The following TNFSF11 variants were observed in gnomAD, a reference collection of about 807,000 sequenced individuals.
TNFSF11 encodes the protein TNF superfamily member 11, also known as tumor necrosis factor ligand superfamily member 11.
A neutral mutation model predicts 32.2 loss-of-function variants in TNFSF11; 12 were observed. The ratio of observed to expected loss-of-function variants is 0.37; its 90% confidence interval spans 0.24 to 0.60. The LOEUF (loss-of-function observed/expected upper bound fraction) is 0.60. Among genes scored for constraint, TNFSF11 ranks in the 20% least tolerant of loss-of-function variants. The pLI is 0.66. For synonymous variants in TNFSF11, 172 were observed against 152.1 expected (o/e 1.13, Z -0.96); for missense variants, 345 against 398.0 (o/e 0.87, Z 1.13).
At chr13:42,578,931 C>T (rs1486806012) in intron 1 of TNFSF11, among the ~76,000 whole-genome samples, 1 of 152,172 alleles carries the variant, frequency 6.6e-6, no homozygotes, top group Non-Finnish European at 1.5e-5. Flanking sequence ...AGCAGAAAAT[C>T]TATATTTTAA....
chr13:42,600,794 A>G lies in TNFSF11; in HGVS notation c.430A>G (p.Lys144Glu), dbSNP rs1869130477. Residue 144 changes from lysine to glutamate, a missense_variant, in exon 3 of 5, where the codon AAA (lysine) becomes GAA (glutamate). Around this residue, in one of 2 missense-constraint regions of TNFSF11, gnomAD observed 148 missense variants for 216.0 expected, o/e 0.69. Transcript: ENST00000398795. ...IVGSQHIRAE[K>E]AMVDGSWLDL... The stretch of plus-strand genomic sequence containing the variant: ...TGGATCACAGCACATCAGAGCAGAG[A>G]AAGGTAAGCATGGATCCATACATCT... 1 of 1,614,144 alleles carries G rather than the reference A, an allele frequency of 6.2e-7. No homozygotes were observed. The highest frequency in any genetic ancestry group is 2.2e-5 in the East Asian group (1 of 44,878).
At chr13:42,590,520 G>C (rs1372793522) in intron 2 of TNFSF11, among the ~76,000 whole-genome samples, 1 of 152,206 alleles carries the variant, frequency 6.6e-6, no homozygotes. Context: ...AGAAGTCTGT[G>C]AGAGCAAAGT....
rs200172369 is a variant in TNFSF11 at position 42,568,976 on chromosome 13, A to G, written c.-160+2214A>G. On this transcript the variant is annotated intron_variant, in intron 2 of 6. Transcript: ENST00000358545. Reference sequence around the variant, plus strand: ...AAATCCAAGGGGTTTAACTGAAAAGACTTTAATTTGAAGAGTTGAGGTCAG... The same window carrying G: ...AAATCCAAGGGGTTTAACTGAAAAGGCTTTAATTTGAAGAGTTGAGGTCAG... Among the ~76,000 whole-genome samples the G allele has an allele frequency of 2.0e-5, 3 of 152,162 alleles. No individual in the cohort carries two copies. In the East Asian group the frequency reaches 5.8e-4, roughly 29 times the overall value.
intron 1 of TNFSF11, among the ~76,000 whole-genome samples, chr13:42,579,444 G>T (rs1344727404): frequency 2.0e-5 from 3 of 149,416 alleles, no homozygotes; most frequent in African/African-American, 7.4e-5. Flanking sequence ...AAAAGAAAAA[G>T]AGAAAGAAAA....
intron 1 of TNFSF11, among the ~76,000 whole-genome samples, chr13:42,563,849 T>C (rs1009661406): frequency 6.6e-6 from 1 of 152,156 alleles, no homozygotes; most frequent in African/African-American, 2.4e-5. Context: ...TTTTCTGACA[T>C]TTTGAGTCAA....
At chr13:42,586,386 G>A (rs1340130833) in intron 2 of TNFSF11, among the ~76,000 whole-genome samples, 1 of 152,174 alleles carries the variant, frequency 6.6e-6, no homozygotes, top group East Asian at 1.9e-4. Context: ...AATGTTACAA[G>A]CCTTGTTCTT....
chr13:42,604,677 C>T (rs1041798650), intron 4 of TNFSF11, among the ~76,000 whole-genome samples: 3 of 152,200 alleles, frequency 2.0e-5, no homozygotes, highest in African/African-American at 4.8e-5. Flanking sequence ...AATTGTAGAA[C>T]ATTCTCTATC....
chr13:42,578,551 T>C (rs1004573668), intron 1 of TNFSF11, among the ~76,000 whole-genome samples: 3 of 152,246 alleles, frequency 2.0e-5, no homozygotes, highest in Non-Finnish European at 4.4e-5. Flanking sequence ...TTAAAAGCAA[T>C]TATTCCATGC....
chr13:42,575,822 A>T (rs553700133), intron 1 of TNFSF11, among the ~76,000 whole-genome samples: 12 of 152,366 alleles, frequency 7.9e-5, no homozygotes, highest in Admixed American at 7.8e-4. Flanking sequence ...CAACACAGAT[A>T]ACAAATCTAT....
chr13:42,581,279 G>A lies in TNFSF11; in HGVS notation c.373G>A (p.Gly125Arg). The A allele has an allele frequency of 2.5e-6, 4 of 1,614,046 alleles. No homozygotes were observed. Among genetic ancestry groups the A allele is most frequent in the Non-Finnish European group, 3.4e-6 (4 of 1,179,948 alleles). ...TAGGAGAATTAAACAGGCCTTTCAAGGAGCTGTGCAAAAGGTAAGTCCACA... is the reference window on the plus strand; with the variant it reads ...TAGGAGAATTAAACAGGCCTTTCAAAGAGCTGTGCAAAAGGTAAGTCCACA... ...SCRRIKQAFQ[G>R]AVQKELQHIV... The change falls in exon 2 of 5, where the codon GGA (glycine) becomes AGA (arginine). Residue 125 changes from glycine to arginine, a missense_variant. By Grantham distance (125) the Gly-to-Arg change is moderately radical (BLOSUM62 -2). Coordinates refer to ENST00000398795, the MANE Select transcript of TNFSF11 (RefSeq NM_003701.4).
intron 4 of TNFSF11, among the ~76,000 whole-genome samples, chr13:42,602,621 T>C (rs1277134169): frequency 6.6e-6 from 1 of 152,222 alleles, no homozygotes; most frequent in Non-Finnish European, 1.5e-5. Flanking sequence ...TGTCTTGTGG[T>C]GGAGCTACAC....
At chr13:42,595,330 G>A (rs1409862540) in intron 2 of TNFSF11, among the ~76,000 whole-genome samples, 1 of 152,184 alleles carries the variant, frequency 6.6e-6, no homozygotes, top group East Asian at 1.9e-4. Flanking sequence ...ATCTAAAAAT[G>A]CATAAATTCA....
chr13:42,573,897 T>A (rs192641976), upstream of TNFSF11, among the ~76,000 whole-genome samples: 1 of 152,220 alleles, frequency 6.6e-6, no homozygotes, highest in East Asian at 1.9e-4. Context: ...CTTTAACCCA[T>A]CTCTTGGACC....
chr13:42,567,970 A>C (rs1872927772), intron 2 of TNFSF11, among the ~76,000 whole-genome samples: 1 of 152,218 alleles, frequency 6.6e-6, no homozygotes, highest in South Asian at 2.1e-4. Flanking sequence ...CACCTGTTAC[A>C]CAAGCCACAG....
At position 42,583,625 on chromosome 13, in the gene TNFSF11, C is replaced by T. The variant is rs1289680593; in HGVS notation, c.387+2332C>T. 2.0e-5 allele frequency among the ~76,000 whole-genome samples: 3 copies of T among 151,846 alleles called. No homozygotes were observed. In the East Asian group the frequency reaches 5.8e-4, roughly 29 times the overall value. ...ATTAGAAAACAGAACTGGATGGATT[C>T]TTGATGTTATTACGAATGTAATAAC... On this transcript the variant is annotated intron_variant, in intron 2 of 4. Transcript: ENST00000398795.
intron 2 of TNFSF11, among the ~76,000 whole-genome samples, chr13:42,586,933 A>G (rs760009223): frequency 1.3e-5 from 2 of 152,234 alleles, no homozygotes; most frequent in African/African-American, 2.4e-5. Context: ...CTCTGATATT[A>G]AGATTAATAT....
In TNFSF11 at chr13:42,574,210, C is replaced by A; in HGVS notation, c.-94C>A. 2 of 1,489,090 alleles carry A rather than the reference C, an allele frequency of 1.3e-6. No homozygotes were observed. The highest frequency in any genetic ancestry group is 1.2e-5 in the South Asian group (1 of 82,218). The allele number at this position is 1,489,090 out of a possible 1,614,324, so 92.2% of individuals were successfully genotyped here. On this transcript the variant is annotated 5_prime_UTR_variant, in exon 1 of 5. Coordinates refer to ENST00000398795, the MANE Select transcript of TNFSF11 (RefSeq NM_003701.4). ...CGGGCTCCAAGTCGGCGCCCCACGT[C>A]GAGGCTCCGCCGCAGCCTCCGGAGT...
chr13:42,583,430 AAAAAAAAAGAAAGG>A (rs1366503755), intron 2 of TNFSF11, among the ~76,000 whole-genome samples: 26 of 93,856 alleles, frequency 2.8e-4, no homozygotes, highest in African/African-American at 6.0e-4. Flanking sequence ...AAAAAAAAAA[AAAAAAAAAGAAAGG>A]AAGAAAGGAA....
At chr13:42,598,787 A>T (rs1868963747) in intron 2 of TNFSF11, among the ~76,000 whole-genome samples, 1 of 152,230 alleles carries the variant, frequency 6.6e-6, no homozygotes. Context: ...GCCTTAAGGG[A>T]GAAAATAAAA....
Sources: allele counts gnomAD v4.1 joint callset (sites outside exome capture counted in the v4.1 genomes callset), GRCh38; gene constraint gnomAD v4.1.1; regional missense constraint gnomAD v4.1.1; transcripts MANE v1.5; gene names NCBI Gene and HGNC (gene_info 2026-07-23, HGNC 2026-07-21).